The following NLRP2 variants were observed in gnomAD, a reference collection of about 807,000 sequenced individuals.
The protein encoded by NLRP2 is NLR family pyrin domain containing 2.
NLRP2 carries 107 observed loss-of-function variants against 97.2 expected under a neutral mutation model. The ratio of observed to expected loss-of-function variants is 1.10; its 90% CI spans 0.94 to 1.29. The LOEUF is 1.29. NLRP2 is among the 50% of genes most tolerant of loss of function. The pLI, the probability that NLRP2 is intolerant of heterozygous loss-of-function variation, is 0.00. For synonymous variants in NLRP2, 663 were observed against 551.5 expected, an observed-to-expected ratio of 1.20 and a Z score of -2.83; for missense variants, 1,495 against 1,330.3, an observed-to-expected ratio of 1.12 and a Z score of -1.93.
chr19:54,976,881 C>T (rs1488500659), intron 3 of NLRP2: 3 of 400,558 alleles, frequency 7.5e-6, no homozygotes, highest in African/African-American at 2.6e-5. Flanking sequence ...GTGGAGCGAT[C>T]TTGGCTCACT....
chr19:54,975,220 TG>T (rs913216167), intron 3 of NLRP2, among the ~76,000 whole-genome samples: 4 of 143,230 alleles, frequency 2.8e-5, no homozygotes, highest in African/African-American at 1.0e-4. Context: ...TCCCAAGCTC[TG>T]GTGATCCTCC....
chr19:54,990,370 A>G lies in NLRP2; in HGVS notation c.2538-132A>G. ...TCTTCTCTCATTCCTATTCCTTCAT[A>G]GGATCACCAGTGCATGATAGAAGGT... On this transcript the variant is annotated intron_variant, in intron 9 of 12. Coordinates refer to ENST00000448584, the MANE Select transcript of NLRP2 (RefSeq NM_017852.5). 9.8e-6 allele frequency: 11 copies of G among 1,119,436 alleles called. No individual in the cohort carries two copies. In the South Asian group the frequency reaches 1.4e-4, roughly 14 times the overall value. 69.3% of individuals were successfully genotyped at this position (1,119,436 alleles called of 1,614,324 possible).
intron 7 of NLRP2, 146 bp from the exon 8 acceptor site, chr19:54,986,001 CAAAG>C (rs1325999475): frequency 5.6e-5 from 38 of 682,096 alleles, no homozygotes; most frequent in Non-Finnish European, 8.6e-5. Context: ...GACTCCATCT[CAAAG>C]AAAAAAAAAA....
At position 54,966,403 on chromosome 19, in the gene NLRP2, C is replaced by T. The variant is rs1034801573; in HGVS notation, c.-82C>T. 5.3e-5 allele frequency: 8 copies of T among 152,054 alleles called. No individual in the cohort carries two copies. Among genetic ancestry groups the T allele is most frequent in the African/African-American group, 1.2e-4 (5 of 41,410 alleles). 9.4% of individuals were successfully genotyped at this position (152,054 alleles called of 1,614,324 possible). A position where few individuals can be genotyped will look rare whatever the true frequency, so the allele number is the denominator to read the frequency against. On this transcript the variant is annotated 5_prime_UTR_variant, in exon 1 of 13. Coordinates refer to ENST00000448584, the MANE Select transcript of NLRP2 (RefSeq NM_017852.5). ...ACAGGGCTGCGGCCGAGAGAGAAGC[C>T]TTATTAGAGCTTTCTCAACCTGCAG... is the stretch of plus-strand genomic sequence containing the variant.
chr19:54,975,067 C>T (rs2071111451), intron 3 of NLRP2, among the ~76,000 whole-genome samples: 1 of 139,620 alleles, frequency 7.2e-6, no homozygotes, highest in Non-Finnish European at 1.5e-5. Flanking sequence ...TCCCAAAATG[C>T]TGGGATTATG....
chr19:54,982,904 G>A lies in NLRP2; in HGVS notation c.1206G>A (p.Trp402Ter). 3 of 1,613,160 alleles carry A rather than the reference G, an allele frequency of 1.9e-6. No individual in the cohort carries two copies. Among genetic ancestry groups the A allele is most frequent in the East Asian group, 2.2e-5 (1 of 44,874 alleles). Reference sequence around the variant, plus strand: ...TGGGCTCGGCCCCCGCGGTGTGCTGGATCGTGTGCACGACTCTGAAGCTGC... The same window carrying A: ...TGGGCTCGGCCCCCGCGGTGTGCTGAATCGTGTGCACGACTCTGAAGCTGC... Reference protein sequence around the residue: ...FQLGSAPAVCWIVCTTLKLQM... With the variant: ...FQLGSAPAVC Residue 402 changes from tryptophan (W) to a stop codon, truncating the protein, a stop_gained, in exon 6 of 13, where the codon TGG becomes TGA. Coordinates refer to ENST00000448584, the MANE Select transcript of NLRP2 (RefSeq NM_017852.5). LOFTEE classifies it high-confidence loss of function.
At chr19:54,990,859 T>A in intron 10 of NLRP2, 187 bp downstream of exon 10, 1 of 651,080 alleles carries the variant, frequency 1.5e-6, no homozygotes, top group Non-Finnish European at 2.8e-6. Context: ...AGAGTAGTAG[T>A]AATATTCTAT....
chr19:54,982,670 G>A lies in NLRP2; in HGVS notation c.972G>A (p.Arg324=), dbSNP rs2071675380. 9 of 1,614,164 alleles carry A rather than the reference G, an allele frequency of 5.6e-6. No individual in the cohort carries two copies. Among genetic ancestry groups the A allele is most frequent in the Non-Finnish European group, 7.6e-6 (9 of 1,180,024 alleles). ...VPVLLGSLLN[R]VMLPKAALLV... ...TCCTCCTGGGGAGTTTGCTGAACAGGGTGATGTTACCCAAGGCCGCCCTGC... is the reference window on the plus strand; with the variant it reads ...TCCTCCTGGGGAGTTTGCTGAACAGAGTGATGTTACCCAAGGCCGCCCTGC... Residue 324 remains arginine, a synonymous_variant, in exon 6 of 13, where the codon AGG becomes AGA. Transcript: ENST00000448584.
At position 54,990,129 on chromosome 19, in the gene NLRP2, A is replaced by T. The variant is rs2072368805; in HGVS notation, c.2474A>T (p.Asp825Val). The change falls in exon 9 of 13, where the codon GAT (aspartate) becomes GTT (valine). Residue 825 changes from aspartate (D) to valine (V), a missense_variant. Asp to Val is a radical substitution (Grantham distance 152). Coordinates refer to ENST00000448584, the MANE Select transcript of NLRP2 (RefSeq NM_017852.5). ...AACCTCTCCGACAATGAGCTTCTGG[A>T]TGAGGGTGCTAAGTTGCTGTACACA... The part of the protein sequence containing the change: ...CVNLSDNELL[D>V]EGAKLLYTTL... 1 of 1,614,018 alleles carries T rather than the reference A, an allele frequency of 6.2e-7. No individual in the cohort carries two copies. Among genetic ancestry groups the T allele is most frequent in the Admixed American group, 1.7e-5 (1 of 59,980 alleles).
intron 2 of NLRP2, chr19:54,974,185 C>T: frequency 3.4e-6 from 2 of 589,012 alleles, no homozygotes; most frequent in South Asian, 3.3e-5. Flanking sequence ...GAAACCCCAT[C>T]TCTACTAAAA....
At position 54,990,178 on chromosome 19, in the gene NLRP2, T is replaced by C; in HGVS notation, c.2523T>C (p.Phe841=). The part of the protein sequence containing the change: ...LYTTLRHPKC[F]LQRLSLENCH... Reference sequence around the variant, plus strand: ...CAACTTTGAGACACCCCAAGTGCTTTCTGCAGAGGTTGTCGTAAGTCTCTC... The same window carrying C: ...CAACTTTGAGACACCCCAAGTGCTTCCTGCAGAGGTTGTCGTAAGTCTCTC... Residue 841 remains phenylalanine (F), a synonymous_variant, in exon 9 of 13, where the codon TTT becomes TTC. Transcript: ENST00000448584. 1.2e-6 allele frequency: 2 copies of C among 1,614,124 alleles called. No individual in the cohort carries two copies. Among genetic ancestry groups the C allele is most frequent in the Non-Finnish European group, 1.7e-6 (2 of 1,180,024 alleles).
Position 54,988,472 on chromosome 19 carries a change from A to T in NLRP2, c.2367-1550A>T, listed in dbSNP as rs115741099. Among the ~76,000 whole-genome samples, 389 of 151,998 alleles carry T rather than the reference A, an allele frequency of 2.6e-3. 3 individuals carry two copies. Among genetic ancestry groups the T allele is most frequent in the African/African-American group, 8.3e-3 (345 of 41,488 alleles). ...TATTTTTGTATTTCTAGTATTTTGTATTTCTAGTAGAGACAGGGTTACGCC... is the reference window on the plus strand; with the variant it reads ...TATTTTTGTATTTCTAGTATTTTGTTTTTCTAGTAGAGACAGGGTTACGCC... On this transcript the variant is annotated intron_variant, in intron 8 of 12. Transcript: ENST00000448584.
At chr19:54,995,439 C>G (rs374054269) in intron 11 of NLRP2, among the ~76,000 whole-genome samples, 1 of 151,462 alleles carries the variant, frequency 6.6e-6, no homozygotes, top group Admixed American at 6.6e-5. Context: ...TGAGAGCCAC[C>G]GTGCCCAGCC....
chr19:54,995,187 CTTTTTTTTTT>C (rs34168825), intron 11 of NLRP2, among the ~76,000 whole-genome samples: 1 of 87,226 alleles, frequency 1.1e-5, no homozygotes, highest in Non-Finnish European at 2.2e-5. Flanking sequence ...GTGGGTGCCT[CTTTTTTTTTT>C]TTTTTTTTTT....
intron 11 of NLRP2, among the ~76,000 whole-genome samples, chr19:54,995,187 C>CTTTTTTTTTTTTTT (rs34168825): frequency 4.6e-5 from 4 of 87,226 alleles, no homozygotes; most frequent in Admixed American, 1.4e-4. Context: ...GTGGGTGCCT[C>CTTTTTTTTTTTTTT]TTTTTTTTTT....
chr19:54,990,156 C>G lies in NLRP2; in HGVS notation c.2501C>G (p.Thr834Ser). 2 of 1,614,144 alleles carry G rather than the reference C, an allele frequency of 1.2e-6. No individual in the cohort carries two copies. Among genetic ancestry groups the G allele is most frequent in the Non-Finnish European group, 1.7e-6 (2 of 1,180,026 alleles). Residue 834 changes from threonine (T) to serine (S), a missense_variant, in exon 9 of 13, where the codon ACT becomes AGT. Coordinates refer to ENST00000448584, the MANE Select transcript of NLRP2 (RefSeq NM_017852.5). ...GAGGGTGCTAAGTTGCTGTACACAACTTTGAGACACCCCAAGTGCTTTCTG... is the reference window on the plus strand; with the variant it reads ...GAGGGTGCTAAGTTGCTGTACACAAGTTTGAGACACCCCAAGTGCTTTCTG... The part of the protein sequence containing the change: ...LDEGAKLLYT[T>S]LRHPKCFLQR...
intron 6 of NLRP2, 21 bp downstream of exon 6, chr19:54,983,749 C>A (rs200052437): frequency 1.2e-6 from 2 of 1,604,840 alleles, no homozygotes; most frequent in Middle Eastern, 2.2e-4. Flanking sequence ...TTTCACTCTA[C>A]CAGTCGTTCC....
At chr19:54,984,329 G>GGTTTTTTTTTTTTTTT (rs1329961462) in intron 6 of NLRP2, among the ~76,000 whole-genome samples, 12 of 79,670 alleles carry the variant, frequency 1.5e-4, no homozygotes, top group Non-Finnish European at 2.3e-4. Context: ...TTTTTTTTGT[G>GGTTTTTTTTTTTTTTT]TTTTTTTTTT....
chr19:54,984,281 AGT>A (rs1008938413), intron 6 of NLRP2, among the ~76,000 whole-genome samples: 104 of 147,742 alleles, frequency 7.0e-4, no homozygotes, highest in African/African-American at 2.5e-3. Context: ...ACAGGTATTA[AGT>A]GTGCACCATC....
Sources: gnomAD v4.1 joint callset for allele counts (sites outside exome capture counted in the v4.1 genomes callset) on GRCh38, gnomAD v4.1.1 for gene constraint, MANE v1.5 for transcripts, NCBI Gene and HGNC (gene_info 2026-07-23, HGNC 2026-07-21) for gene names.